EIF4G3: variants seen among roughly 807,000 people sequenced by gnomAD.
The protein encoded by EIF4G3 is eukaryotic translation initiation factor 4 gamma 3.
EIF4G3 carries 34 observed loss-of-function variants against 186.4 expected under a neutral mutation model. The observed-to-expected ratio is 0.18, with a 90% CI of 0.14 to 0.24. EIF4G3 has a LOEUF of 0.24. Ranked by LOEUF, EIF4G3 falls within the 10% of genes least tolerant of loss-of-function variation. The pLI is 1.00. For missense variants in EIF4G3, 1,536 were observed against 1,948.5 expected, an observed-to-expected ratio of 0.79 and a Z score of 3.99; for synonymous variants, 673 against 679.5, an observed-to-expected ratio of 0.99 and a Z score of 0.15.
intron 8 of EIF4G3, among the ~76,000 whole-genome samples, chr1:20,981,636 ACATACTGTATGTATACATACATGTATACG>A: frequency 7.9e-6 from 1 of 127,360 alleles, no homozygotes; most frequent in East Asian, 2.4e-4. Context: ...ATGTATACGC[ACATACTGTATGTATACATACATGTATACG>A]CACATACTGT....
chr1:21,169,362 T>G (rs527805943), intron 2 of EIF4G3, among the ~76,000 whole-genome samples: 7 of 152,064 alleles, frequency 4.6e-5, no homozygotes, highest in African/African-American at 1.7e-4. Flanking sequence ...GAGGCAGAAT[T>G]GTTTGAACCC....
chr1:21,120,534 G>A (rs1397203167), intron 2 of EIF4G3, among the ~76,000 whole-genome samples: 2 of 149,920 alleles, frequency 1.3e-5, no homozygotes, highest in African/African-American at 2.5e-5. Flanking sequence ...CAGAAGGCAG[G>A]AGAATCACTT....
rs1482284477 is a variant in EIF4G3, at chr1:20,941,683, C to T, written c.1471G>A (p.Ala491Thr). The T allele has an allele frequency of 6.8e-6, 11 of 1,612,996 alleles. No homozygotes were observed. Among genetic ancestry groups the T allele is most frequent in the Non-Finnish European group, 9.3e-6 (11 of 1,179,654 alleles). Residue 491 changes from alanine (A) to threonine (T), a missense_variant, in exon 14 of 37, where the codon GCT (alanine) becomes ACT (threonine). Physicochemically the swap from Ala to Thr is moderately conservative, Grantham distance 58. This residue lies in a region of EIF4G3 where 560 missense variants were observed against 547.8 expected (regional missense o/e 1.02). Coordinates refer to ENST00000602326, the MANE Select transcript of EIF4G3 (RefSeq NM_001391906.1). ...CTCGGAGAACTAACAGTAGTGGCAG[C>T]AGCAGGAACAATGACTGGAGTGTGA... ...PPHTPVIVPA[A>T]ATTVSSPSAA...
chr1:20,933,178 G>C (rs762519466), intron 14 of EIF4G3, among the ~76,000 whole-genome samples: 8 of 152,302 alleles, frequency 5.3e-5, no homozygotes, highest in Non-Finnish European at 1.2e-4. Context: ...AGACGTGAAA[G>C]AGGAGTGACA....
At position 20,810,831 on chromosome 1, in the gene EIF4G3, T is replaced by C; in HGVS notation, c.4651A>G (p.Ile1551Val). 1 of 1,614,174 alleles carries C rather than the reference T, an allele frequency of 6.2e-7. No homozygotes were observed. The highest frequency in any genetic ancestry group is 8.5e-7 in the Non-Finnish European group (1 of 1,180,000). The change falls in exon 36 of 37, where the codon ATC becomes GTC. Residue 1551 changes from isoleucine to valine, a missense_variant. Ile to Val is a conservative substitution (Grantham distance 29). Around this residue, in one of 11 missense-constraint regions of EIF4G3, gnomAD observed 395 missense variants for 498.9 expected, o/e 0.79. Coordinates refer to ENST00000602326, the MANE Select transcript of EIF4G3 (RefSeq NM_001391906.1). The surrounding 1 kb of genome is among the most constrained non-coding windows in gnomAD (Gnocchi z 4.1). ...DTAVIKQRVP[I>V]LLKYLDSDTE... ...TCTGAGTCTAGGTACTTGAGTAAGA[T>C]CGGCACTCTCTGCTTGATAACAGCA...
intron 2 of EIF4G3, among the ~76,000 whole-genome samples, chr1:21,096,076 G>A (rs1201297997): frequency 6.6e-6 from 1 of 152,114 alleles, no homozygotes; most frequent in Admixed American, 6.6e-5. Context: ...AAGGCAGAAG[G>A]CAACAAAGTA....
chr1:20,980,215 A>G, intron 10 of EIF4G3, 119 bp downstream of exon 10: 1 of 671,782 alleles, frequency 1.5e-6, no homozygotes, highest in East Asian at 3.4e-5. Context: ...AACTGTTAGC[A>G]GCATGTTATT....
chr1:21,046,102 T>C (rs746096511), intron 4 of EIF4G3, among the ~76,000 whole-genome samples: 9 of 152,342 alleles, frequency 5.9e-5, no homozygotes, highest in Middle Eastern at 3.4e-3. Context: ...CTTTGCAATC[T>C]GCCACCAAAA....
chr1:21,027,386 T>C (rs2092273812), intron 4 of EIF4G3, among the ~76,000 whole-genome samples: 1 of 151,456 alleles, frequency 6.6e-6, no homozygotes, highest in Non-Finnish European at 1.5e-5. Context: ...ATCCCAGCAC[T>C]TTGGTAGGCC....
intron 4 of EIF4G3, among the ~76,000 whole-genome samples, chr1:21,028,142 G>C (rs191371190): frequency 4.6e-5 from 7 of 152,232 alleles, no homozygotes; most frequent in African/African-American, 1.7e-4. Context: ...GGGGTCAAAG[G>C]GAAGTTATTG....
chr1:20,878,725 GT>G (rs1020011114), intron 20 of EIF4G3, among the ~76,000 whole-genome samples: 3 of 152,218 alleles, frequency 2.0e-5, no homozygotes, highest in African/African-American at 7.2e-5. Flanking sequence ...ATACATGGCA[GT>G]TTATGACTGT....
chr1:20,932,572 C>T (rs932947391), intron 14 of EIF4G3, among the ~76,000 whole-genome samples: 1 of 152,046 alleles, frequency 6.6e-6, no homozygotes, highest in Non-Finnish European at 1.5e-5. Context: ...TATTAATACC[C>T]TAATTTCAAT....
At chr1:21,058,680 C>G (rs1053960149) in intron 3 of EIF4G3, among the ~76,000 whole-genome samples, 1 of 148,988 alleles carries the variant, frequency 6.7e-6, no homozygotes, top group African/African-American at 2.5e-5. Context: ...GTACATGCCA[C>G]CATGCCCAGT....
At position 20,829,169 on chromosome 1, in the gene EIF4G3, T is replaced by C; in HGVS notation, c.4165A>G (p.Ile1389Val). The C allele has an allele frequency of 6.2e-7, 1 of 1,613,914 alleles. No individual in the cohort carries two copies. The highest frequency in any genetic ancestry group is 8.5e-7 in the Non-Finnish European group (1 of 1,179,908). Residue 1389 changes from isoleucine (I) to valine (V), a missense_variant, in exon 31 of 37, where the codon ATC becomes GTC. By Grantham distance (29) the Ile-to-Val change is conservative. Coordinates refer to ENST00000602326, the MANE Select transcript of EIF4G3 (RefSeq NM_001391906.1). ...TACATGGTAAGTTCTCTCATGGAGA[T>C]TCCACCTTCTTTTAACATGGGGGTC... ...LVTPMLKEGG[I>V]SMRELTIEFS...
intron 2 of EIF4G3, among the ~76,000 whole-genome samples, chr1:21,160,622 C>T (rs1411493293): frequency 6.6e-6 from 1 of 152,154 alleles, no homozygotes; most frequent in Non-Finnish European, 1.5e-5. Context: ...AGAAGGAATG[C>T]ATAACCTCGC....
At chr1:21,036,537 G>A (rs1439111990) in intron 4 of EIF4G3, among the ~76,000 whole-genome samples, 1 of 152,154 alleles carries the variant, frequency 6.6e-6, no homozygotes, top group African/African-American at 2.4e-5. Context: ...CAGTTACACA[G>A]AGATGGTATT....
intron 34 of EIF4G3, among the ~76,000 whole-genome samples, chr1:20,813,623 T>C (rs1294766164): frequency 1.3e-5 from 2 of 151,122 alleles, no homozygotes; most frequent in Admixed American, 6.6e-5. Flanking sequence ...TCCCAGCACT[T>C]TGGGAGGCTG....
At chr1:21,131,425 T>C (rs1405255860) in intron 2 of EIF4G3, among the ~76,000 whole-genome samples, 1 of 144,980 alleles carries the variant, frequency 6.9e-6, no homozygotes, top group East Asian at 2.0e-4. Flanking sequence ...AAAGAAATAC[T>C]TGAGATAATG....
chr1:20,847,489 T>C (rs1329462999), intron 29 of EIF4G3, among the ~76,000 whole-genome samples: 1 of 152,196 alleles, frequency 6.6e-6, no homozygotes, highest in Non-Finnish European at 1.5e-5. Flanking sequence ...CATCACAGGA[T>C]CATATTTTTC....
Sources: gnomAD v4.1 joint callset for allele counts (sites outside exome capture counted in the v4.1 genomes callset) on GRCh38, gnomAD v4.1.1 for gene constraint, gnomAD v4.1.1 regional missense constraint, Gnocchi (gnomAD v3.1) non-coding constraint, MANE v1.5 for transcripts, NCBI Gene and HGNC (gene_info 2026-07-23, HGNC 2026-07-21) for gene names.